Variants in CA10 observed in about 807,000 individuals in gnomAD.
The protein encoded by CA10 is carbonic anhydrase 10 (inactive), also known as carbonic anhydrase-related protein 10.
Under a neutral mutation model 44.2 loss-of-function variants are expected in CA10, and 14 were observed. The ratio of observed to expected loss-of-function variants is 0.32; its 90% CI spans 0.21 to 0.50. CA10 has a LOEUF of 0.50. Among genes scored for constraint, CA10 ranks in the 20% least tolerant of loss-of-function variants. The probability of loss-of-function intolerance (pLI) is 0.99; values close to 1 mark genes in which losing one functional copy is unlikely to be tolerated. For missense variants in CA10, 350 were observed against 409.7 expected (o/e 0.85, Z 1.26); for synonymous variants, 159 against 141.6 (o/e 1.12, Z -0.87).
intron 4 of CA10, among the ~76,000 whole-genome samples, chr17:51,743,407 C>T (rs1347051055): frequency 6.6e-6 from 1 of 152,156 alleles, no homozygotes; most frequent in African/African-American, 2.4e-5. Context: ...TTATTAAAAA[C>T]AGTTCATTTT....
chr17:51,969,324 A>G (rs1449949908), intron 2 of CA10, among the ~76,000 whole-genome samples: 3 of 152,054 alleles, frequency 2.0e-5, no homozygotes, highest in Non-Finnish European at 4.4e-5. Flanking sequence ...CCTATTTTAC[A>G]GACGAGAAAA....
chr17:51,632,849 G>A (rs1912644787), intron 8 of CA10, among the ~76,000 whole-genome samples: 1 of 152,228 alleles, frequency 6.6e-6, no homozygotes, highest in Non-Finnish European at 1.5e-5. Flanking sequence ...GCACCACAGA[G>A]TTACAGGAGG....
intron 3 of CA10, among the ~76,000 whole-genome samples, chr17:51,750,961 C>A (rs1023484224): frequency 6.6e-6 from 1 of 152,144 alleles, no homozygotes; most frequent in South Asian, 2.1e-4. Context: ...AACACACTGG[C>A]ACAAGTAGGT....
intron 2 of CA10, among the ~76,000 whole-genome samples, chr17:52,037,213 G>A (rs888589546): frequency 6.6e-6 from 1 of 152,142 alleles, no homozygotes; most frequent in Non-Finnish European, 1.5e-5. Context: ...TTGAATAGAT[G>A]GAAGTGAAAT....
At position 51,798,852 on chromosome 17, in the gene CA10, C is replaced by T. The variant is rs35458688; in HGVS notation, c.280-51034G>A. On this transcript the variant is annotated intron_variant, in intron 3 of 8. Coordinates refer to ENST00000451037, the MANE Select transcript of CA10 (RefSeq NM_020178.5). Reference sequence around the variant, plus strand: ...AGTTATGCTAGTACACTAATTTGGGCAACCAAGATTCATAATTAAAATTTT... The same window carrying T: ...AGTTATGCTAGTACACTAATTTGGGTAACCAAGATTCATAATTAAAATTTT... Among the ~76,000 whole-genome samples the T allele has an allele frequency of 7.2e-3, 1,099 of 152,294 alleles. 11 individuals carry two copies. Among genetic ancestry groups the T allele is most frequent in the Non-Finnish European group, 8.6e-3 (582 of 68,026 alleles).
rs34631877 is a variant in CA10, at chr17:51,868,057, AACACACACACAC to A, written c.279+62921_279+62932del. ...CACAGAGTTCAAATAAAGCAGGTGT[AACACACACACAC>A]ACACACACACACACACACACACACA... is the stretch of plus-strand genomic sequence containing the variant. On this transcript the variant is annotated intron_variant, in intron 3 of 8. Coordinates refer to ENST00000451037, the MANE Select transcript of CA10 (RefSeq NM_020178.5). 2.6e-3 allele frequency among the ~76,000 whole-genome samples: 381 copies of A among 144,936 alleles called. 1 individual carries two copies. Among genetic ancestry groups the A allele is most frequent in the African/African-American group, 8.7e-3 (344 of 39,630 alleles).
intron 2 of CA10, among the ~76,000 whole-genome samples, chr17:51,936,712 A>T (rs895390799): frequency 7.9e-6 from 1 of 125,842 alleles, no homozygotes; most frequent in African/African-American, 2.6e-5. Flanking sequence ...AGCCACTGAG[A>T]GTTTAGCAGG....
intron 8 of CA10, 137 bp from the exon 9 acceptor site, chr17:51,631,743 C>CAT: frequency 1.4e-6 from 1 of 727,430 alleles, no homozygotes; most frequent in Admixed American, 2.2e-5. Flanking sequence ...TACTTATATG[C>CAT]ATTCCAACTA....
chr17:51,994,498 T>C lies in CA10; in HGVS notation c.137-63366A>G, dbSNP rs1985158345. 2.6e-5 allele frequency among the ~76,000 whole-genome samples: 4 copies of C among 152,006 alleles called. No individual in the cohort carries two copies. In the South Asian group the frequency reaches 8.3e-4, roughly 31 times the overall value. The stretch of plus-strand genomic sequence containing the variant: ...GGTTTGCAGAAGTCCTGAGAGACAG[T>C]ATGAAATGAGATTGGTCTGTCTTTA... On this transcript the variant is annotated intron_variant, in intron 2 of 8. Transcript: ENST00000451037.
chr17:51,971,857 T>A (rs1475176639), intron 2 of CA10, among the ~76,000 whole-genome samples: 1 of 151,934 alleles, frequency 6.6e-6, no homozygotes, highest in Non-Finnish European at 1.5e-5. Flanking sequence ...ATATTTTTCT[T>A]AGAAATTATA....
intron 3 of CA10, among the ~76,000 whole-genome samples, chr17:51,783,814 G>A (rs1906149737): frequency 6.6e-6 from 1 of 152,176 alleles, no homozygotes; most frequent in Non-Finnish European, 1.5e-5. Flanking sequence ...GGGACCAGGA[G>A]GCTGAGGTTC....
intron 3 of CA10, among the ~76,000 whole-genome samples, chr17:51,843,867 C>T (rs1030532057): frequency 1.3e-5 from 2 of 152,074 alleles, no homozygotes; most frequent in Non-Finnish European, 2.9e-5. Context: ...AAAGTAAATT[C>T]ACAATAGCAT....
intron 1 of CA10, among the ~76,000 whole-genome samples, chr17:52,091,112 C>T (rs1427002928): frequency 6.6e-6 from 1 of 151,680 alleles, no homozygotes; most frequent in Non-Finnish European, 1.5e-5. Flanking sequence ...TGAAAAAAAT[C>T]AGCATATAAA....
chr17:52,114,660 A>T (rs1988852662), intron 1 of CA10, among the ~76,000 whole-genome samples: 1 of 152,190 alleles, frequency 6.6e-6, no homozygotes. Context: ...TCTGGGACCA[A>T]CACTGGTCCT....
chr17:51,834,109 G>C (rs1210622849), intron 3 of CA10, among the ~76,000 whole-genome samples: 1 of 152,200 alleles, frequency 6.6e-6, no homozygotes, highest in African/African-American at 2.4e-5. Context: ...TTGGGGTTCA[G>C]CATCATTAGG....
chr17:51,761,150 G>T (rs1905207295), intron 3 of CA10: 1 of 152,134 alleles, frequency 6.6e-6, no homozygotes, highest in African/African-American at 2.4e-5. Context: ...CTCTGAGGAG[G>T]CTTAAACACT....
intron 2 of CA10, among the ~76,000 whole-genome samples, chr17:52,031,420 G>T (rs1209707595): frequency 6.6e-6 from 1 of 152,092 alleles, no homozygotes; most frequent in African/African-American, 2.4e-5. Context: ...AAAGTGCTGG[G>T]ATTACAGGTG....
intron 4 of CA10, among the ~76,000 whole-genome samples, chr17:51,729,987 A>G (rs1916660376): frequency 6.6e-6 from 1 of 152,222 alleles, no homozygotes; most frequent in Admixed American, 6.5e-5. Context: ...TGAGGCAGGG[A>G]GTGGTAAATA....
At chr17:52,108,192 TTTTATATATATATATATATA>T (rs1243564381) in intron 1 of CA10, among the ~76,000 whole-genome samples, 6 of 113,130 alleles carry the variant, frequency 5.3e-5, no homozygotes, top group African/African-American at 8.2e-5. Context: ...TATATATATT[TTTTATATATATATATATATA>T]TATATATATA....
Sources: gnomAD v4.1 joint callset for allele counts (sites outside exome capture counted in the v4.1 genomes callset) on GRCh38, gnomAD v4.1.1 for gene constraint, MANE v1.5 for transcripts, NCBI Gene and HGNC (gene_info 2026-07-23, HGNC 2026-07-21) for gene names.